MAD1L1: variants seen among roughly 807,000 people sequenced by gnomAD.
MAD1L1 encodes the protein mitotic arrest deficient 1 like 1.
MAD1L1 carries 95 observed loss-of-function variants against 96.9 expected under a neutral mutation model. That is an observed-to-expected ratio of 0.98 (90% CI 0.83 to 1.16). The LOEUF is 1.16. MAD1L1 is among the 50% of genes most tolerant of loss of function. MAD1L1 has a pLI of 0.00. For missense variants in MAD1L1, 1,007 were observed against 954.4 expected (o/e 1.06, Z -0.73); for synonymous variants, 473 against 396.6 (o/e 1.19, Z -2.29).
intron 18 of MAD1L1, among the ~76,000 whole-genome samples, chr7:1,890,972 G>A (rs183789084): frequency 7.2e-5 from 11 of 152,222 alleles, no homozygotes; most frequent in East Asian, 5.8e-4. Flanking sequence ...CGCCAGCAGC[G>A]GGCTCTGTGC....
chr7:2,031,419 A>G (rs1266366881), intron 12 of MAD1L1, among the ~76,000 whole-genome samples: 1 of 152,246 alleles, frequency 6.6e-6, no homozygotes, highest in Non-Finnish European at 1.5e-5. Flanking sequence ...AACCTCTGAT[A>G]AAAAGCTCTA....
chr7:1,861,079 G>C (rs1450472733), intron 18 of MAD1L1, among the ~76,000 whole-genome samples: 2 of 152,212 alleles, frequency 1.3e-5, no homozygotes, highest in East Asian at 3.8e-4. Context: ...GTCCCAGCAC[G>C]CAAGCCCAGA....
chr7:1,999,046 A>C (rs1781679875), intron 14 of MAD1L1, among the ~76,000 whole-genome samples: 1 of 151,276 alleles, frequency 6.6e-6, no homozygotes, highest in Admixed American at 6.6e-5. Flanking sequence ...ACCAGACCCC[A>C]CACTCCACAG....
intron 10 of MAD1L1, among the ~76,000 whole-genome samples, chr7:2,209,431 A>G (rs1792778643): frequency 6.6e-6 from 1 of 152,238 alleles, no homozygotes; most frequent in African/African-American, 2.4e-5. Flanking sequence ...CAGAGCCCAC[A>G]GGCCTGAGGG....
chr7:1,928,030 G>A (rs1053440277), intron 17 of MAD1L1, among the ~76,000 whole-genome samples: 17 of 152,220 alleles, frequency 1.1e-4, no homozygotes, highest in Admixed American at 9.2e-4. Context: ...CCACCAGCTC[G>A]TGCCCGAGGC....
At chr7:1,850,186 T>C (rs767031512) in intron 18 of MAD1L1, among the ~76,000 whole-genome samples, 1 of 152,274 alleles carries the variant, frequency 6.6e-6, no homozygotes, top group South Asian at 2.1e-4. Context: ...TGTTCGGTCC[T>C]GAACCCCTGG....
chr7:1,999,488 C>T (rs938069047), intron 14 of MAD1L1, among the ~76,000 whole-genome samples: 2 of 152,270 alleles, frequency 1.3e-5, no homozygotes, highest in African/African-American at 2.4e-5. Context: ...AGCACCTGAG[C>T]GTGGCAGACA....
chr7:2,104,121 G>A (rs1786962265), intron 11 of MAD1L1, among the ~76,000 whole-genome samples: 1 of 152,262 alleles, frequency 6.6e-6, no homozygotes, highest in African/African-American at 2.4e-5. Context: ...AAGGCATGCT[G>A]CTTTGATGAC....
intron 18 of MAD1L1, chr7:1,848,658 C>A (rs4719320): frequency 6.5e-6 from 1 of 154,308 alleles, no homozygotes; most frequent in Non-Finnish European, 1.5e-5. Flanking sequence ...GAGAGCCCAG[C>A]GCTGAATCCT....
chr7:1,988,642 A>G (rs1562587743), intron 14 of MAD1L1, among the ~76,000 whole-genome samples: 1 of 152,182 alleles, frequency 6.6e-6, no homozygotes, highest in African/African-American at 2.4e-5. Context: ...GCCGCGCTCC[A>G]GGGTGGCCCA....
chr7:2,212,474 G>A (rs954059863), intron 10 of MAD1L1, among the ~76,000 whole-genome samples: 20 of 152,166 alleles, frequency 1.3e-4, no homozygotes, highest in Non-Finnish European at 2.4e-4. Context: ...TTGGATCCTC[G>A]AGTGGATCCC....
At chr7:1,922,246 C>A (rs73050128) in intron 17 of MAD1L1, among the ~76,000 whole-genome samples, 22,376 of 152,298 alleles carry the variant, frequency 0.15, 2,111 homozygotes, top group South Asian at 0.27. Context: ...CGCGTCTTTA[C>A]TGCGCTGCAC....
chr7:2,113,086 C>T (rs1027031321), intron 11 of MAD1L1, among the ~76,000 whole-genome samples: 4 of 142,554 alleles, frequency 2.8e-5, no homozygotes, highest in African/African-American at 5.2e-5. Context: ...ACTCAGGAAA[C>T]GGGGACGAGG....
intron 11 of MAD1L1, among the ~76,000 whole-genome samples, chr7:2,117,191 G>A (rs1787749513): frequency 6.6e-6 from 1 of 152,204 alleles, no homozygotes; most frequent in Non-Finnish European, 1.5e-5. Context: ...GAACAGTCTA[G>A]CGGGCCCTGG....
intron 6 of MAD1L1, 22 bp downstream of exon 6, chr7:2,219,310 C>T (rs1168837822): frequency 6.5e-7 from 1 of 1,546,328 alleles, no homozygotes. Context: ...GACCCCCGAC[C>T]CCACACCCTG....
Position 2,027,066 on chromosome 7 carries a change from C to T in MAD1L1, c.1219-12424G>A, listed in dbSNP as rs912900852. 4.0e-5 allele frequency among the ~76,000 whole-genome samples: 6 copies of T among 151,638 alleles called. No individual in the cohort carries two copies. In the East Asian group the frequency reaches 9.7e-4, roughly 24 times the overall value. ...CTAGAGATCACAAAAATATTAAAAA[C>T]ATGACAATAAACAACTTTACACAAA... On this transcript the variant is annotated intron_variant, in intron 12 of 18. Transcript: ENST00000265854.
rs559647183 is a variant in MAD1L1 at position 1,940,990 on chromosome 7, C to CCCG, written c.1597-4094_1597-4093insCGG. 4.7e-3 allele frequency among the ~76,000 whole-genome samples: 660 copies of CCCG among 139,308 alleles called. 4 individuals are homozygous for CCCG. The highest frequency in any genetic ancestry group is 7.9e-3 in the Middle Eastern group (2 of 254). 91.4% of individuals were successfully genotyped at this position (139,308 alleles called of 152,430 possible). A position where few individuals can be genotyped will look rare whatever the true frequency, so the allele number is the denominator to read the frequency against. ...CAGGCCTCACCCTCCTCTTCCTCTCCCAGGCCTCAGCCTCCTCTTCCTCCC... is the reference window on the plus strand; with the variant it reads ...CAGGCCTCACCCTCCTCTTCCTCTCCCCGCAGGCCTCAGCCTCCTCTTCCTCCC... On this transcript the variant is annotated intron_variant, in intron 16 of 18. Coordinates refer to ENST00000265854, the MANE Select transcript of MAD1L1 (RefSeq NM_001013836.2).
intron 10 of MAD1L1, among the ~76,000 whole-genome samples, chr7:2,199,935 G>A (rs1398344179): frequency 6.6e-6 from 1 of 152,248 alleles, no homozygotes; most frequent in Admixed American, 6.5e-5. Context: ...TGAAAGGGAT[G>A]GGAGAGCCCC....
rs549854329 is a variant in MAD1L1 at position 1,946,510 on chromosome 7, C to T, written c.1597-9613G>A. 4.6e-5 allele frequency among the ~76,000 whole-genome samples: 7 copies of T among 152,362 alleles called. No homozygotes were observed. In the East Asian group the frequency reaches 1.2e-3, roughly 25 times the overall value. ...TTCACAGCTGAGAAAACTGTTGAGACGCTGACGAGAATCTCAAAAGGAAAA... is the reference window on the plus strand; with the variant it reads ...TTCACAGCTGAGAAAACTGTTGAGATGCTGACGAGAATCTCAAAAGGAAAA... On this transcript the variant is annotated intron_variant, in intron 16 of 18. Coordinates refer to ENST00000265854, the MANE Select transcript of MAD1L1 (RefSeq NM_001013836.2).
Sources: gnomAD v4.1 joint callset for allele counts (sites outside exome capture counted in the v4.1 genomes callset) on GRCh38, gnomAD v4.1.1 for gene constraint, MANE v1.5 for transcripts, NCBI Gene and HGNC (gene_info 2026-07-23, HGNC 2026-07-21) for gene names.